The following MYO9A variants were observed in gnomAD, a reference collection of about 807,000 sequenced individuals.
MYO9A encodes the protein unconventional myosin-IXa.
In MYO9A, 103 loss-of-function variants were observed where a neutral mutation model predicts 293.3. The observed-to-expected ratio is 0.35, with a 90% confidence interval of 0.30 to 0.41. The LOEUF (loss-of-function observed/expected upper bound fraction) is 0.41, where lower values mean the gene tolerates loss of function less well. Among genes scored for constraint, MYO9A ranks in the 10% least tolerant of loss-of-function variants. The probability of loss-of-function intolerance (pLI) is 1.00; values close to 1 mark genes in which losing one functional copy is unlikely to be tolerated. For missense variants in MYO9A, 2,685 were observed against 3,033.0 expected (o/e 0.89, Z 2.69); for synonymous variants, 1,001 against 1,035.7 (o/e 0.97, Z 0.64).
At chr15:71,945,315 CTT>C (rs1221274467) in intron 15 of MYO9A, among the ~76,000 whole-genome samples, 2 of 152,128 alleles carry the variant, frequency 1.3e-5, no homozygotes, top group Non-Finnish European at 2.9e-5. Flanking sequence ...CAAATAGCAT[CTT>C]GTCTCTCCAA....
chr15:72,093,452 C>T (rs1434061619), intron 1 of MYO9A, among the ~76,000 whole-genome samples: 1 of 152,116 alleles, frequency 6.6e-6, no homozygotes, highest in Non-Finnish European at 1.5e-5. Context: ...AAGAGGATCA[C>T]CTGAGCCCAA....
At chr15:72,023,942 G>C (rs1344252729) in intron 4 of MYO9A, among the ~76,000 whole-genome samples, 1 of 151,948 alleles carries the variant, frequency 6.6e-6, no homozygotes, top group African/African-American at 2.4e-5. Context: ...AAAGCACCAA[G>C]AGAGAAATTC....
At chr15:72,030,065 T>C (rs2077814322) in intron 3 of MYO9A, among the ~76,000 whole-genome samples, 1 of 152,216 alleles carries the variant, frequency 6.6e-6, no homozygotes, top group South Asian at 2.1e-4. Context: ...ATTGCATTCC[T>C]TCATTAAAAT....
At chr15:72,111,585 A>T (rs2080782906) in intron 1 of MYO9A, among the ~76,000 whole-genome samples, 1 of 152,004 alleles carries the variant, frequency 6.6e-6, no homozygotes, top group African/African-American at 2.4e-5. Context: ...GGTGCTTTAC[A>T]TAAAAATTTT....
At position 71,934,853 on chromosome 15, in the gene MYO9A, T is replaced by C. The variant is rs571689398; in HGVS notation, c.2522+488A>G. ...TATGAAGCATGGTAGAGAATGGTTA[T>C]AGCTATGTCTTCAAACCAACTCTGT... On this transcript the variant is annotated intron_variant, in intron 17 of 41. Coordinates refer to ENST00000356056, the MANE Select transcript of MYO9A (RefSeq NM_006901.4). 4.6e-4 allele frequency among the ~76,000 whole-genome samples: 67 copies of C among 145,654 alleles called. No homozygotes were observed. In the Middle Eastern group the frequency reaches 0.012, roughly 26 times the overall value.
chr15:71,887,576 G>A (rs1225529241), intron 27 of MYO9A, among the ~76,000 whole-genome samples: 1 of 152,058 alleles, frequency 6.6e-6, no homozygotes, highest in African/African-American at 2.4e-5. Context: ...ACCTTTGGAA[G>A]CCTGAAACTG....
chr15:71,988,261 T>C (rs2076453050), intron 11 of MYO9A, among the ~76,000 whole-genome samples: 1 of 152,194 alleles, frequency 6.6e-6, no homozygotes, highest in Non-Finnish European at 1.5e-5. Flanking sequence ...GTATGATTTA[T>C]GTAAGAGTTT....
intron 16 of MYO9A, 30 bp downstream of exon 16, chr15:71,938,822 T>A (rs776699219): frequency 6.5e-7 from 1 of 1,540,146 alleles, no homozygotes; most frequent in Admixed American, 1.9e-5. Flanking sequence ...CTTCTATACG[T>A]CCTTGAAAAC....
rs114810092 is a variant in MYO9A, at chr15:72,017,629, C to T, written c.1155+1410G>A. The stretch of plus-strand genomic sequence containing the variant: ...ATTACTTGGTTATGTAATAGTAATA[C>T]AATTAAAATTTCTCTAAAAAAAATT... On this transcript the variant is annotated intron_variant, in intron 6 of 41. Coordinates refer to ENST00000356056, the MANE Select transcript of MYO9A (RefSeq NM_006901.4). Among the ~76,000 whole-genome samples the T allele has an allele frequency of 5.3e-3, 808 of 152,090 alleles. 9 individuals are homozygous for T. The highest frequency in any genetic ancestry group is 0.019 in the African/African-American group (771 of 41,502).
chr15:71,956,350 T>TAA (rs1555490947), intron 14 of MYO9A, among the ~76,000 whole-genome samples: 1 of 121,176 alleles, frequency 8.3e-6, no homozygotes, highest in African/African-American at 3.3e-5. Flanking sequence ...TATATATATA[T>TAA]AAAATACGCC....
At chr15:71,998,019 C>T (rs577560646) in intron 9 of MYO9A, among the ~76,000 whole-genome samples, 3 of 152,252 alleles carry the variant, frequency 2.0e-5, no homozygotes, top group East Asian at 3.9e-4. Context: ...GACACATCCA[C>T]GTATATGCTC....
At chr15:72,047,999 C>T (rs1302254091) in intron 1 of MYO9A, among the ~76,000 whole-genome samples, 1 of 151,650 alleles carries the variant, frequency 6.6e-6, no homozygotes, top group Non-Finnish European at 1.5e-5. Context: ...TCTATCCTCT[C>T]ATACTACTAC....
intron 1 of MYO9A, among the ~76,000 whole-genome samples, chr15:72,069,624 A>C (rs2150140505): frequency 6.6e-6 from 1 of 152,312 alleles, no homozygotes; most frequent in Non-Finnish European, 1.5e-5. Flanking sequence ...CAGACAGGAG[A>C]ATAGAAAAAG....
In MYO9A at chr15:72,007,889, G is replaced by A. The variant is rs759385030; in HGVS notation, c.1317C>T (p.Tyr439=). 4 of 1,612,818 alleles carry A rather than the reference G, an allele frequency of 2.5e-6. No homozygotes were observed. The African/African-American group carries it at 4.0e-5, about 16-fold the overall frequency. The change falls in exon 8 of 42, where the codon TAC becomes TAT. Residue 439 remains tyrosine, a synonymous_variant. Coordinates refer to ENST00000356056, the MANE Select transcript of MYO9A (RefSeq NM_006901.4). Reference sequence around the variant, plus strand: ...TACAGATATCAATGGAGTCATCCCGGTATGTCTTCTTTTTGTAACAGATAT... The same window carrying A: ...TACAGATATCAATGGAGTCATCCCGATATGTCTTCTTTTTGTAACAGATAT... ...LGNICYKKKT[Y]RDDSIDICNP...
At chr15:71,972,517 A>C (rs970222716) in intron 12 of MYO9A, among the ~76,000 whole-genome samples, 1 of 152,134 alleles carries the variant, frequency 6.6e-6, no homozygotes, top group Non-Finnish European at 1.5e-5. Context: ...GATCTGTGGG[A>C]TCTGATGCTA....
At chr15:72,049,376 T>C (rs1247954149) in intron 1 of MYO9A, among the ~76,000 whole-genome samples, 1 of 152,224 alleles carries the variant, frequency 6.6e-6, no homozygotes, top group Non-Finnish European at 1.5e-5. Flanking sequence ...AGGTTCCTAG[T>C]TGTATAGCTA....
chr15:71,986,011 A>C (rs2076398707), intron 11 of MYO9A, among the ~76,000 whole-genome samples: 1 of 152,220 alleles, frequency 6.6e-6, no homozygotes, highest in Non-Finnish European at 1.5e-5. Context: ...AAGTAAGGAA[A>C]AGAAAAAAGA....
rs2054514622 is a variant in MYO9A at position 71,826,670 on chromosome 15, T to C, written c.7557A>G (p.Thr2519=). The part of the protein sequence containing the change: ...PQKTKETPEG[T]VMSGRRKTVD... ...CAGTTTTTCTGCGGCCAGACATGAC[T>C]GTCCCCTCTGGGGTCTCTTTGGTTT... Residue 2519 remains threonine (T), a synonymous_variant, in exon 42 of 42, where the codon ACA becomes ACG. Coordinates refer to ENST00000356056, the MANE Select transcript of MYO9A (RefSeq NM_006901.4). The C allele has an allele frequency of 2.5e-6, 4 of 1,614,094 alleles. No individual in the cohort carries two copies. Among genetic ancestry groups the C allele is most frequent in the Non-Finnish European group, 3.4e-6 (4 of 1,179,986 alleles).
chr15:71,990,744 G>A (rs1304750825), intron 11 of MYO9A, among the ~76,000 whole-genome samples: 20 of 129,842 alleles, frequency 1.5e-4, no homozygotes, highest in Admixed American at 8.6e-4. Context: ...GCGACAGAGC[G>A]AGACTCAGTC....
Sources: gnomAD v4.1 joint callset for allele counts (sites outside exome capture counted in the v4.1 genomes callset) on GRCh38, gnomAD v4.1.1 for gene constraint, MANE v1.5 for transcripts, NCBI Gene and HGNC (gene_info 2026-07-23, HGNC 2026-07-21) for gene names.